USP26: variants seen among roughly 807,000 people sequenced by gnomAD.
USP26 encodes the protein ubiquitin carboxyl-terminal hydrolase 26.
For synonymous variants in USP26, 236 were observed against 240.6 expected, an observed-to-expected ratio of 0.98 and a Z score of 0.18; for missense variants, 649 against 642.3, an observed-to-expected ratio of 1.01 and a Z score of -0.11.
chrX:133,056,553 A>G (rs1403641148), intron 5 of USP26, among the ~76,000 whole-genome samples: 1 of 111,955 alleles, frequency 8.9e-6, no homozygotes, highest in Non-Finnish European at 1.9e-5. Flanking sequence ...TTGAAATTAC[A>G]TACAATCATA....
intron 5 of USP26, among the ~76,000 whole-genome samples, chrX:133,034,274 C>A (rs972176773): frequency 6.3e-5 from 7 of 111,458 alleles, no homozygotes; most frequent in African/African-American, 2.3e-4. Flanking sequence ...AGAAGTAGGA[C>A]CCCTTTAAGG....
In USP26 at chrX:133,027,384, C is replaced by A. The variant is rs562003668; in HGVS notation, c.837G>T (p.Trp279Cys). ...ATTCAAAAAATAGTTTTAATTTATC[C>A]CACTTTGTGTAACCGTCACTATACC... ...QQGYSDGYTK[W>C]DKLKLFFELF... Residue 279 changes from tryptophan to cysteine, a missense_variant, in exon 6 of 6, where the codon TGG (tryptophan) becomes TGT (cysteine). Trp to Cys is a radical substitution (Grantham distance 215). Coordinates refer to ENST00000511190, the MANE Select transcript of USP26 (RefSeq NM_031907.3). The A allele has an allele frequency of 1.7e-6, 2 of 1,211,122 alleles. No individual in the cohort carries two copies. The highest frequency in any genetic ancestry group is 1.8e-5 in the South Asian group (1 of 56,943).
rs866276440 is a variant in USP26 at position 133,027,577 on chromosome X, C to A, written c.644G>T (p.Ser215Ile). The A allele has an allele frequency of 8.3e-7, 1 of 1,207,368 alleles. No homozygotes were observed. The highest frequency in any genetic ancestry group is 1.8e-5 in the African/African-American group (1 of 57,116). ...KSKADCSRCV[S>I]YNREKQLKLK... Reference sequence around the variant, plus strand: ...CTTCAATTGTTTCTCTCGATTATAGCTTACACACCTCGAACAATCTGCCTT... The same window carrying A: ...CTTCAATTGTTTCTCTCGATTATAGATTACACACCTCGAACAATCTGCCTT... The change falls in exon 6 of 6, where the codon AGC becomes ATC. Residue 215 changes from serine (S) to isoleucine (I), a missense_variant. Ser to Ile is a moderately radical substitution (Grantham distance 142). Coordinates refer to ENST00000511190, the MANE Select transcript of USP26 (RefSeq NM_031907.3).
chrX:133,032,284 G>T, intron 5 of USP26, among the ~76,000 whole-genome samples: 1 of 111,670 alleles, frequency 9.0e-6, no homozygotes, highest in Non-Finnish European at 1.9e-5. Context: ...GGGGGTTCTG[G>T]GAAGGCCTAA....
chrX:133,066,350 C>T (rs1479450104), intron 5 of USP26, among the ~76,000 whole-genome samples: 1 of 111,854 alleles, frequency 8.9e-6, no homozygotes, highest in African/African-American at 3.2e-5. Context: ...CATTTACTTT[C>T]TTCACAGAAC....
chrX:133,087,668 T>C (rs1283835369), intron 4 of USP26, among the ~76,000 whole-genome samples: 2 of 112,517 alleles, frequency 1.8e-5, no homozygotes, highest in African/African-American at 6.5e-5. Context: ...TTAAAGAAAA[T>C]GAAATTTGAG....
Position 133,027,998 on chromosome X carries a change from A to C in USP26, c.223T>G (p.Leu75Val). ...ATAAACAAGCCATTATTATTTTGTA[A>C]AGTTAAATGCAGGTGATTTTGGTTT... The part of the protein sequence containing the change: ...RGNQNHLHLT[L>V]QNNNGLFIEG... The change falls in exon 6 of 6, where the codon TTA (leucine) becomes GTA (valine). Residue 75 changes from leucine to valine, a missense_variant. Coordinates refer to ENST00000511190, the MANE Select transcript of USP26 (RefSeq NM_031907.3). 8.3e-7 allele frequency: 1 copy of C among 1,211,315 alleles called. No individual in the cohort carries two copies.
intron 5 of USP26, among the ~76,000 whole-genome samples, chrX:133,039,441 CA>C (rs1176401591): frequency 8.9e-6 from 1 of 112,126 alleles, no homozygotes; most frequent in African/African-American, 3.2e-5. Context: ...CATTCAGAAG[CA>C]GGTTGTTCTG....
chrX:133,081,165 T>C (rs926170459), intron 5 of USP26, among the ~76,000 whole-genome samples: 1 of 110,431 alleles, frequency 9.1e-6, no homozygotes, highest in African/African-American at 3.3e-5. Context: ...GACTAATAAA[T>C]TCGTAGTTAA....
intron 5 of USP26, among the ~76,000 whole-genome samples, chrX:133,049,939 T>C (rs991562532): frequency 8.9e-6 from 1 of 112,572 alleles, no homozygotes; most frequent in Non-Finnish European, 1.9e-5. Flanking sequence ...TATGTGTGCA[T>C]ATACTTTTAG....
intron 5 of USP26, among the ~76,000 whole-genome samples, chrX:133,058,546 GA>G (rs2067484580): frequency 9.0e-6 from 1 of 111,500 alleles, no homozygotes. Context: ...TTTTATCCCT[GA>G]AAAAATTCCA....
In USP26 at chrX:133,023,882, T is replaced by C. The variant is rs1602963302; in HGVS notation, c.*1597A>G. 8.9e-6 allele frequency among the ~76,000 whole-genome samples: 1 copy of C among 111,899 alleles called. No homozygotes were observed. The highest frequency in any genetic ancestry group is 2.8e-4 in the East Asian group (1 of 3,545). ...GATTAATACAACTATACTGAAGCCA[T>C]ACCCCATATACAAGGGGGCATATTC... On this transcript the variant is annotated 3_prime_UTR_variant, in exon 6 of 6. Transcript: ENST00000511190.
rs2067531983 is a variant in USP26, at chrX:133,071,942, G to T, written c.-77+11765C>A. On this transcript the variant is annotated intron_variant, in intron 5 of 5. Coordinates refer to ENST00000511190, the MANE Select transcript of USP26 (RefSeq NM_031907.3). ...AAAGGGTTGGCCCCAAGGTCACCTG[G>T]CTGCTTAGTAAAGACATCCAGCACA... Among the ~76,000 whole-genome samples the T allele has an allele frequency of 3.6e-5, 4 of 111,473 alleles. 1 individual carries two copies.
At chrX:133,059,706 T>C (rs1201001069) in intron 5 of USP26, among the ~76,000 whole-genome samples, 1 of 110,641 alleles carries the variant, frequency 9.0e-6, no homozygotes, top group Admixed American at 9.7e-5. Flanking sequence ...GCCAGGCCAC[T>C]TTTCTGAGTG....
intron 1 of USP26, among the ~76,000 whole-genome samples, chrX:133,092,262 C>T: frequency 8.9e-6 from 1 of 111,747 alleles, no homozygotes; most frequent in South Asian, 3.7e-4. Flanking sequence ...TAGGCAAGAT[C>T]TCAACTTCTA....
Position 133,058,904 on chromosome X carries a change from C to T in USP26, c.-77+24803G>A, listed in dbSNP as rs189110838. On this transcript the variant is annotated intron_variant, in intron 5 of 5. Coordinates refer to ENST00000511190, the MANE Select transcript of USP26 (RefSeq NM_031907.3). ...GCTTGTTTCACTGCAATTTCTGCCT[C>T]CTGGGCTCAAGCAATCCTCCCACCT... Among the ~76,000 whole-genome samples, 210 of 111,140 alleles carry T rather than the reference C, an allele frequency of 1.9e-3. 1 individual carries two copies. The highest frequency in any genetic ancestry group is 6.7e-3 in the African/African-American group (204 of 30,560).
chrX:133,092,669 G>A (rs887492876), intron 1 of USP26, among the ~76,000 whole-genome samples: 6 of 111,393 alleles, frequency 5.4e-5, no homozygotes, highest in Non-Finnish European at 9.4e-5. Flanking sequence ...AAGTGCCTTC[G>A]GCCTAATACC....
At chrX:133,046,152 T>C (rs1160990611) in intron 5 of USP26, among the ~76,000 whole-genome samples, 1 of 111,615 alleles carries the variant, frequency 9.0e-6, no homozygotes, top group Non-Finnish European at 1.9e-5. Context: ...TCCACTGCTG[T>C]GGATCAATCA....
At chrX:133,060,688 G>A (rs1389849996) in intron 5 of USP26, among the ~76,000 whole-genome samples, 1 of 110,910 alleles carries the variant, frequency 9.0e-6, no homozygotes, top group East Asian at 2.8e-4. Context: ...AATATACTGG[G>A]GCAATCTTAA....
Sources: gnomAD v4.1 joint callset for allele counts (sites outside exome capture counted in the v4.1 genomes callset) on GRCh38, gnomAD v4.1.1 for gene constraint, MANE v1.5 for transcripts, NCBI Gene and HGNC (gene_info 2026-07-23, HGNC 2026-07-21) for gene names.